The following CHD7 variants were observed in gnomAD, a reference collection of about 807,000 sequenced individuals.
CHD7 encodes chromodomain helicase DNA binding protein 7.
A neutral mutation model predicts 307.3 loss-of-function variants in CHD7; 24 were observed. That is an observed-to-expected ratio of 0.08 (90% CI 0.06 to 0.11). The LOEUF (loss-of-function observed/expected upper bound fraction) is 0.11. Ranked by LOEUF, CHD7 falls within the 10% of genes least tolerant of loss-of-function variation. The probability of loss-of-function intolerance (pLI) is 1.00; values close to 1 mark genes in which losing one functional copy is unlikely to be tolerated. For missense variants in CHD7, 3,106 were observed against 3,727.1 expected (o/e 0.83, Z 4.34); for synonymous variants, 1,363 against 1,349.9 (o/e 1.01, Z -0.21).
chr8:60,844,327 G>C (rs1232204731), intron 21 of CHD7, among the ~76,000 whole-genome samples: 5 of 152,170 alleles, frequency 3.3e-5, no homozygotes, highest in Admixed American at 3.3e-4. Flanking sequence ...TCTTATGCTT[G>C]GGGTTATTAC....
At chr8:60,779,005 ATTC>A (rs948511410) in intron 2 of CHD7, among the ~76,000 whole-genome samples, 34 of 152,160 alleles carry the variant, frequency 2.2e-4, no homozygotes, top group Admixed American at 1.8e-3. Context: ...ACATCTGTGT[ATTC>A]TTCTTCAAAC....
intron 23 of CHD7, among the ~76,000 whole-genome samples, chr8:60,848,113 G>A (rs940994268): frequency 6.6e-6 from 1 of 152,200 alleles, no homozygotes; most frequent in African/African-American, 2.4e-5. Flanking sequence ...TAAGGCAGCA[G>A]CTGAGGAAAT....
At chr8:60,715,287 A>C (rs1006934544) in intron 1 of CHD7, among the ~76,000 whole-genome samples, 3 of 150,142 alleles carry the variant, frequency 2.0e-5, no homozygotes, top group African/African-American at 7.4e-5. Flanking sequence ...TCAGACACCA[A>C]CTCAGGGAGG....
chr8:60,691,650 G>A (rs918491804), intron 1 of CHD7, among the ~76,000 whole-genome samples: 1 of 152,190 alleles, frequency 6.6e-6, no homozygotes, highest in Non-Finnish European at 1.5e-5. Context: ...TGCAGCTAAT[G>A]TTCTTACCCA....
At chr8:60,816,118 T>TCTCC (rs1362394227) in intron 7 of CHD7, among the ~76,000 whole-genome samples, 3 of 57,028 alleles carry the variant, frequency 5.3e-5, no homozygotes, top group Non-Finnish European at 1.6e-4. Flanking sequence ...TGTCTGTCTC[T>TCTCC]CTCTCTCTCT....
intron 31 of CHD7, among the ~76,000 whole-genome samples, chr8:60,854,067 A>T (rs1437673374): frequency 6.6e-6 from 1 of 152,168 alleles, no homozygotes; most frequent in Admixed American, 6.5e-5. Flanking sequence ...TAGACTCTTG[A>T]GTCAATGACT....
chr8:60,812,662 CAA>C (rs143111740), intron 7 of CHD7, among the ~76,000 whole-genome samples: 12 of 81,982 alleles, frequency 1.5e-4, no homozygotes, highest in Non-Finnish European at 1.1e-4. Context: ...GACTACATCT[CAA>C]AAAAAAAAAA....
At chr8:60,858,220 C>T (rs1377400032) in intron 34 of CHD7, among the ~76,000 whole-genome samples, 1 of 152,228 alleles carries the variant, frequency 6.6e-6, no homozygotes, top group Non-Finnish European at 1.5e-5. Flanking sequence ...TGCATCACTG[C>T]ACTCCAGCCT....
At chr8:60,745,454 G>T (rs947534547) in intron 2 of CHD7, among the ~76,000 whole-genome samples, 5 of 152,134 alleles carry the variant, frequency 3.3e-5, no homozygotes, top group African/African-American at 1.2e-4. Flanking sequence ...CTTGACCAGT[G>T]GAGGCTCCAT....
intron 2 of CHD7, among the ~76,000 whole-genome samples, chr8:60,775,645 G>A (rs967902568): frequency 1.7e-4 from 26 of 152,210 alleles, no homozygotes; most frequent in Non-Finnish European, 7.3e-5. Flanking sequence ...AAGAAGGGAA[G>A]CCATGGCTAA....
intron 6 of CHD7, among the ~76,000 whole-genome samples, chr8:60,807,659 A>G (rs552119292): frequency 1.5e-4 from 23 of 152,358 alleles, no homozygotes; most frequent in Admixed American, 2.6e-4. Context: ...ATTGAGTGAA[A>G]CTAAGACTAT....
At chr8:60,726,144 A>G (rs2150553072) in intron 1 of CHD7, among the ~76,000 whole-genome samples, 1 of 152,362 alleles carries the variant, frequency 6.6e-6, no homozygotes, top group African/African-American at 2.4e-5. Flanking sequence ...ACATATATGT[A>G]TTCGATTTAT....
At chr8:60,862,375 CT>C in intron 36 of CHD7, 39 bp downstream of exon 36, 1 of 1,573,434 alleles carries the variant, frequency 6.4e-7, no homozygotes, top group Non-Finnish European at 8.6e-7. Flanking sequence ...TATGCGATTT[CT>C]TAGCCCAGAA....
At chr8:60,821,442 G>A (rs1477605327) in intron 9 of CHD7, among the ~76,000 whole-genome samples, 1 of 151,798 alleles carries the variant, frequency 6.6e-6, no homozygotes, top group Non-Finnish European at 1.5e-5. Context: ...TTAAATTTCT[G>A]TCAATTCAGA....
In CHD7 at chr8:60,781,480, T is replaced by G. The variant is rs534082684; in HGVS notation, c.2096+50T>G. On this transcript the variant is annotated intron_variant, in intron 3 of 37. Coordinates refer to ENST00000423902, the MANE Select transcript of CHD7 (RefSeq NM_017780.4). ...CTGCAAAACATTGAGAGTACAGAAATTAGCGCCAAATAGTTACAGCCTATG... is the reference window on the plus strand; with the variant it reads ...CTGCAAAACATTGAGAGTACAGAAAGTAGCGCCAAATAGTTACAGCCTATG... 6 of 1,480,570 alleles carry G rather than the reference T, an allele frequency of 4.1e-6. No individual in the cohort carries two copies. In the East Asian group the frequency reaches 1.2e-4, roughly 31 times the overall value. 91.7% of individuals were successfully genotyped at this position (1,480,570 alleles called of 1,614,324 possible). A position where few individuals can be genotyped will look rare whatever the true frequency, so the allele number is the denominator to read the frequency against.
intron 2 of CHD7, among the ~76,000 whole-genome samples, chr8:60,780,329 T>A (rs7009754): frequency 1.3e-5 from 2 of 152,122 alleles, no homozygotes; most frequent in Non-Finnish European, 1.5e-5. Context: ...TATCTCTCCC[T>A]TGGTGAAATT....
chr8:60,701,221 C>G (rs1161783200), intron 1 of CHD7, among the ~76,000 whole-genome samples: 1 of 152,182 alleles, frequency 6.6e-6, no homozygotes, highest in African/African-American at 2.4e-5. Context: ...GTAAAATGTT[C>G]ACAGGTTATG....
chr8:60,697,964 A>G (rs1177981787), intron 1 of CHD7, among the ~76,000 whole-genome samples: 1 of 152,238 alleles, frequency 6.6e-6, no homozygotes, highest in Non-Finnish European at 1.5e-5. Context: ...ACAGTGGTCA[A>G]CTTTTTATAG....
intron 2 of CHD7, among the ~76,000 whole-genome samples, chr8:60,770,036 C>T (rs1331317436): frequency 6.6e-6 from 1 of 152,190 alleles, no homozygotes; most frequent in South Asian, 2.1e-4. Context: ...TCATATTGTG[C>T]TATGCAAACA....
Sources: allele counts gnomAD v4.1 joint callset (sites outside exome capture counted in the v4.1 genomes callset), GRCh38; gene constraint gnomAD v4.1.1; transcripts MANE v1.5; gene names NCBI Gene and HGNC (gene_info 2026-07-23, HGNC 2026-07-21).